MED12L: variants seen among roughly 807,000 people sequenced by gnomAD.
The protein encoded by MED12L is mediator of RNA polymerase II transcription subunit 12-like protein.
Under a neutral mutation model 281.3 loss-of-function variants are expected in MED12L, and 60 were observed. The ratio of observed to expected loss-of-function variants is 0.21; its 90% CI spans 0.17 to 0.26. The LOEUF is 0.26. Ranked by LOEUF, MED12L falls within the 10% of genes least tolerant of loss-of-function variation. The pLI is 1.00. For synonymous variants in MED12L, 974 were observed against 987.2 expected (o/e 0.99, Z 0.25); for missense variants, 2,146 against 2,680.9 (o/e 0.80, Z 4.41).
chr3:151,407,674 T>G lies in MED12L; in HGVS notation c.5821-1569T>G, dbSNP rs567511207. Among the ~76,000 whole-genome samples, 10 of 152,326 alleles carry G rather than the reference T, an allele frequency of 6.6e-5. No individual in the cohort carries two copies. The East Asian group carries it at 1.9e-3, about 29-fold the overall frequency. ...GCTATATTTCTCTAACCCAAGCAAA[T>G]GGAGATACAATTGTTTTTTTAACAG... On this transcript the variant is annotated intron_variant, in intron 39 of 44. Transcript: ENST00000687756.
Position 151,190,960 on chromosome 3 carries a change from C to G in MED12L, c.1968+29C>G, listed in dbSNP as rs773150799. The G allele has an allele frequency of 2.5e-6, 4 of 1,593,560 alleles. No homozygotes were observed. The African/African-American group carries it at 4.0e-5, about 16-fold the overall frequency. The stretch of plus-strand genomic sequence containing the variant: ...TGGCCCTGGATATGATGCCCCACTC[C>G]CCCAGAAACTAAACTCTACTGGGAA... On this transcript the variant is annotated intron_variant, in intron 14 of 44. Coordinates refer to ENST00000687756, the MANE Select transcript of MED12L (RefSeq NM_001393769.1).
At chr3:151,421,042 C>A (rs534120059) in intron 43 of MED12L, among the ~76,000 whole-genome samples, 1 of 152,294 alleles carries the variant, frequency 6.6e-6, no homozygotes, top group South Asian at 2.1e-4. Flanking sequence ...CTGCTGTTGG[C>A]AAATTGGGCA....
intron 39 of MED12L, among the ~76,000 whole-genome samples, chr3:151,399,919 C>T (rs868120190): frequency 1.4e-4 from 22 of 151,956 alleles, no homozygotes; most frequent in East Asian, 1.4e-3. Context: ...CTCTGCTTCC[C>T]GGGTTCAAGC....
intron 16 of MED12L, chr3:151,261,383 C>G (rs889340832): frequency 6.6e-6 from 1 of 152,082 alleles, no homozygotes; most frequent in Non-Finnish European, 1.5e-5. Context: ...CAAGTGTAGC[C>G]TACCTGGAAT....
At chr3:151,301,386 G>A (rs1328805484) in intron 16 of MED12L, among the ~76,000 whole-genome samples, 1 of 152,144 alleles carries the variant, frequency 6.6e-6, no homozygotes, top group Non-Finnish European at 1.5e-5. Context: ...TTCTCAAGTT[G>A]TATGGTTGTC....
At chr3:151,200,347 G>A (rs1398786777) in intron 16 of MED12L, among the ~76,000 whole-genome samples, 1 of 152,178 alleles carries the variant, frequency 6.6e-6, no homozygotes, top group Non-Finnish European at 1.5e-5. Context: ...GGTGCTGCCT[G>A]TTGGTGTGGG....
At chr3:151,341,002 T>C (rs1241698570) in intron 16 of MED12L, 2 of 152,324 alleles carry the variant, frequency 1.3e-5, no homozygotes, top group African/African-American at 2.4e-5. Context: ...CTTCGAGTTA[T>C]GGTTATTTTC....
chr3:151,375,620 A>G (rs1756743178), intron 27 of MED12L, among the ~76,000 whole-genome samples: 1 of 152,192 alleles, frequency 6.6e-6, no homozygotes, highest in Non-Finnish European at 1.5e-5. Flanking sequence ...TTGTTATACT[A>G]TGTTGTATCT....
intron 5 of MED12L, among the ~76,000 whole-genome samples, chr3:151,152,663 T>A: frequency 6.6e-6 from 1 of 152,176 alleles, no homozygotes; most frequent in East Asian, 1.9e-4. Context: ...ATCCTTACAG[T>A]GACTCTGAGG....
intron 20 of MED12L, among the ~76,000 whole-genome samples, 198 bp from the exon 21 acceptor site, chr3:151,360,275 GT>G (rs200565779): frequency 1.3e-5 from 2 of 151,926 alleles, no homozygotes; most frequent in African/African-American, 4.8e-5. Flanking sequence ...CATTTCTGAA[GT>G]TTTTTTTAAA....
At chr3:151,309,964 T>C (rs1747277924) in intron 16 of MED12L, among the ~76,000 whole-genome samples, 2 of 151,624 alleles carry the variant, frequency 1.3e-5, no homozygotes, top group Non-Finnish European at 2.9e-5. Context: ...GAGACAAGAG[T>C]AGGAATTGGC....
intron 16 of MED12L, among the ~76,000 whole-genome samples, chr3:151,206,069 TA>T (rs1169781955): frequency 1.6e-4 from 23 of 141,950 alleles, no homozygotes; most frequent in Non-Finnish European, 7.6e-5. Flanking sequence ...TGAAAGAAAA[TA>T]ATTTTTTTTT....
intron 16 of MED12L, among the ~76,000 whole-genome samples, chr3:151,226,046 C>T (rs1430219418): frequency 6.6e-6 from 1 of 152,160 alleles, no homozygotes; most frequent in East Asian, 1.9e-4. Flanking sequence ...TATGGAAACA[C>T]ATCAGGGAAC....
At chr3:151,227,267 A>G (rs538460950) in intron 16 of MED12L, among the ~76,000 whole-genome samples, 51 of 152,360 alleles carry the variant, frequency 3.3e-4, no homozygotes, top group African/African-American at 1.2e-3. Context: ...CAGATACCCA[A>G]GAACTTCCTC....
At chr3:151,285,807 G>C (rs1743418927) in intron 16 of MED12L, among the ~76,000 whole-genome samples, 1 of 152,158 alleles carries the variant, frequency 6.6e-6, no homozygotes, top group Non-Finnish European at 1.5e-5. Flanking sequence ...TGGGATCAGT[G>C]GTTGTATAAA....
At chr3:151,212,516 T>G (rs1294273231) in intron 16 of MED12L, 1 of 152,126 alleles carries the variant, frequency 6.6e-6, no homozygotes, top group African/African-American at 2.4e-5. Flanking sequence ...CCCATACTAT[T>G]GAACAGGGGA....
At chr3:151,210,798 A>G (rs1727043963) in intron 16 of MED12L, among the ~76,000 whole-genome samples, 1 of 152,264 alleles carries the variant, frequency 6.6e-6, no homozygotes, top group Non-Finnish European at 1.5e-5. Flanking sequence ...ATAATTGACT[A>G]GAGCTGAGAG....
chr3:151,278,123 T>C (rs1352731438), intron 16 of MED12L, among the ~76,000 whole-genome samples: 1 of 152,142 alleles, frequency 6.6e-6, no homozygotes, highest in Admixed American at 6.5e-5. Context: ...TATATTAATA[T>C]ACCAATTATA....
intron 4 of MED12L, among the ~76,000 whole-genome samples, chr3:151,126,690 A>T (rs1714579827): frequency 6.6e-6 from 1 of 152,208 alleles, no homozygotes; most frequent in African/African-American, 2.4e-5. Context: ...TATTTATAGT[A>T]GTGATGTTCA....
Sources: gnomAD v4.1 joint callset for allele counts (sites outside exome capture counted in the v4.1 genomes callset) on GRCh38, gnomAD v4.1.1 for gene constraint, MANE v1.5 for transcripts, NCBI Gene and HGNC (gene_info 2026-07-23, HGNC 2026-07-21) for gene names.